Variants in MEOX1 observed in about 807,000 individuals in gnomAD.
MEOX1 encodes the protein homeobox protein MOX-1.
MEOX1 carries 17 observed loss-of-function variants against 23.2 expected under a neutral mutation model. The ratio of observed to expected loss-of-function variants is 0.73; its 90% CI spans 0.50 to 1.10. MEOX1 has a LOEUF of 1.10. Ranked by LOEUF, MEOX1 falls within the 50% of genes least tolerant of loss-of-function variation. The pLI is 0.00. For missense variants in MEOX1, 333 were observed against 332.2 expected (o/e 1.00, Z -0.02); for synonymous variants, 134 against 135.1 (o/e 0.99, Z 0.06).
chr17:43,652,656 T>C (rs1178772486), intron 1 of MEOX1, among the ~76,000 whole-genome samples: 3 of 152,102 alleles, frequency 2.0e-5, no homozygotes, highest in Admixed American at 6.5e-5. Context: ...ACCTTGTTAA[T>C]TCGCTTGACC....
chr17:43,661,650 C>T lies in MEOX1; in HGVS notation c.-116G>A. 1.9e-6 allele frequency: 1 copy of T among 520,006 alleles called. No homozygotes were observed. The allele number at this position is 520,006 out of a possible 1,614,324, so 32.2% of individuals were successfully genotyped here. The stretch of plus-strand genomic sequence containing the variant: ...CTAAATAGGAGGGAAAAATGTTCAA[C>T]AGAAAATTTACCCCAGGAACCAAAA... On this transcript the variant is annotated 5_prime_UTR_variant, in exon 1 of 3. Transcript: ENST00000318579.
At chr17:43,643,145 C>T (rs907271699) in intron 2 of MEOX1, among the ~76,000 whole-genome samples, 1 of 132,748 alleles carries the variant, frequency 7.5e-6, no homozygotes, top group African/African-American at 3.4e-5. Context: ...CCCGCCTCTA[C>T]TAAAAAAAAA....
chr17:43,651,340 T>C (rs556273900), intron 1 of MEOX1, among the ~76,000 whole-genome samples: 1 of 152,188 alleles, frequency 6.6e-6, no homozygotes, highest in African/African-American at 2.4e-5. Context: ...TCTGGTGCTA[T>C]AGTCTTTGCT....
chr17:43,647,571 GA>G (rs1972834004), intron 1 of MEOX1, among the ~76,000 whole-genome samples: 1 of 152,126 alleles, frequency 6.6e-6, no homozygotes, highest in Non-Finnish European at 1.5e-5. Context: ...ACCCCTTCCA[GA>G]GGTCCTGGGG....
At chr17:43,643,084 G>A (rs1034531356) in intron 2 of MEOX1, among the ~76,000 whole-genome samples, 4 of 152,062 alleles carry the variant, frequency 2.6e-5, no homozygotes, top group Admixed American at 6.5e-5. Flanking sequence ...CGAGGCGGGC[G>A]GATCACCTGA....
chr17:43,648,112 T>C (rs1426714879), intron 1 of MEOX1, among the ~76,000 whole-genome samples: 1 of 152,230 alleles, frequency 6.6e-6, no homozygotes, highest in Admixed American at 6.5e-5. Context: ...GCATGCCGTT[T>C]CTGGGAGCTG....
Position 43,661,230 on chromosome 17 carries a change from C to T in MEOX1, c.305G>A (p.Arg102Gln), listed in dbSNP as rs764871699. 3.7e-5 allele frequency: 60 copies of T among 1,609,260 alleles called. No individual in the cohort carries two copies. Among genetic ancestry groups the T allele is most frequent in the Non-Finnish European group, 4.8e-5 (56 of 1,177,464 alleles). Reference protein sequence around the residue: ...PNWHFPVSDARRRPNSGPAGG... With the variant: ...PNWHFPVSDAQRRPNSGPAGG... Reference sequence around the variant, plus strand: ...TGCCGGGCCTGAGTTGGGCCTGCGCCGGGCGTCTGAGACAGGGAAGTGCCA... The same window carrying T: ...TGCCGGGCCTGAGTTGGGCCTGCGCTGGGCGTCTGAGACAGGGAAGTGCCA... Residue 102 changes from arginine to glutamine, a missense_variant, in exon 1 of 3, where the codon CGG (arginine) becomes CAG (glutamine). By Grantham distance (43) the Arg-to-Gln change is conservative. Transcript: ENST00000318579.
chr17:43,658,976 C>A (rs973168709), intron 1 of MEOX1, among the ~76,000 whole-genome samples: 1 of 152,218 alleles, frequency 6.6e-6, no homozygotes, highest in Non-Finnish European at 1.5e-5. Flanking sequence ...AAGTCTGACC[C>A]TGAAGCATGC....
rs550514565 is a variant in MEOX1 at position 43,654,945 on chromosome 17, G to A, written c.469+6121C>T. ...TGGGCGCCTGTAGTCCCAGCTACTCGGGAGGCTGAGGTAGGAGAATGGCAT... is the reference window on the plus strand; with the variant it reads ...TGGGCGCCTGTAGTCCCAGCTACTCAGGAGGCTGAGGTAGGAGAATGGCAT... On this transcript the variant is annotated intron_variant, in intron 1 of 2. Coordinates refer to ENST00000318579, the MANE Select transcript of MEOX1 (RefSeq NM_004527.4). Among the ~76,000 whole-genome samples the A allele has an allele frequency of 4.6e-5, 7 of 152,128 alleles. No individual in the cohort carries two copies. The East Asian group carries it at 9.7e-4, about 21-fold the overall frequency.
Position 43,661,124 on chromosome 17 carries a change from A to G in MEOX1, c.411T>C (p.Leu137=). The change falls in exon 1 of 3, where the codon CTT becomes CTC. Residue 137 remains leucine, a synonymous_variant. Coordinates refer to ENST00000318579, the MANE Select transcript of MEOX1 (RefSeq NM_004527.4). ...TCTCTGTCTCATTGGCAGTGCTCCC[A>G]AGCACCCCGTAGTCATCGCCTGGGC... ...TGGPGDDYGV[L]GSTANETEKK... is the part of the protein sequence containing the mutation. 1 of 1,516,232 alleles carries G rather than the reference A, an allele frequency of 6.6e-7. No individual in the cohort carries two copies. The highest frequency in any genetic ancestry group is 8.8e-7 in the Non-Finnish European group (1 of 1,133,456). The allele number at this position is 1,516,232 out of a possible 1,614,324, so 93.9% of individuals were successfully genotyped here.
At chr17:43,653,267 T>G (rs58143992) in intron 1 of MEOX1, among the ~76,000 whole-genome samples, 27,834 of 150,382 alleles carry the variant, frequency 0.19, 2,606 homozygotes, top group Admixed American at 0.24. Context: ...AGCCTCCTGA[T>G]TAGCTGGGAC....
intron 1 of MEOX1, among the ~76,000 whole-genome samples, chr17:43,654,913 G>A (rs190183678): frequency 4.5e-4 from 69 of 151,976 alleles, no homozygotes; most frequent in African/African-American, 1.5e-3. Context: ...TTAGCCAGAC[G>A]TGGTGGTGGG....
intron 1 of MEOX1, among the ~76,000 whole-genome samples, chr17:43,660,460 G>A (rs529048533): frequency 6.6e-6 from 1 of 152,292 alleles, no homozygotes; most frequent in East Asian, 1.9e-4. Flanking sequence ...CAGCTCCGCA[G>A]GGTGATATCT....
intron 1 of MEOX1, among the ~76,000 whole-genome samples, chr17:43,658,686 T>C (rs1451457796): frequency 6.6e-6 from 1 of 152,142 alleles, no homozygotes; most frequent in Admixed American, 6.5e-5. Context: ...GAATTCCAGA[T>C]TCCTGGAGTA....
intron 1 of MEOX1, among the ~76,000 whole-genome samples, chr17:43,649,359 T>C (rs9913249): frequency 0.31 from 44,858 of 146,124 alleles, 8,301 homozygotes; most frequent in African/African-American, 0.53. Context: ...GATTGGTCAC[T>C]GCAATGGCGG....
chr17:43,647,121 CG>C (rs1303034639), intron 1 of MEOX1, among the ~76,000 whole-genome samples: 4 of 152,210 alleles, frequency 2.6e-5, no homozygotes, highest in African/African-American at 7.2e-5. Context: ...GAGGCATCTG[CG>C]GCTTTAACCT....
chr17:43,646,632 G>A (rs1206810674), intron 1 of MEOX1, among the ~76,000 whole-genome samples: 8 of 152,028 alleles, frequency 5.3e-5, no homozygotes. Flanking sequence ...CTACCTCCTA[G>A]GGTTATTGGA....
At chr17:43,660,915 G>A (rs369140801) in intron 1 of MEOX1, 151 bp downstream of exon 1, 44 of 497,300 alleles carry the variant, frequency 8.8e-5, no homozygotes, top group African/African-American at 7.6e-4. Context: ...AACTCTCAGT[G>A]GAAGAAACCC....
chr17:43,644,527 G>A (rs1436046852), intron 1 of MEOX1, among the ~76,000 whole-genome samples: 1 of 152,176 alleles, frequency 6.6e-6, no homozygotes, highest in Admixed American at 6.5e-5. Context: ...ACCAGAAAAC[G>A]AACACAGAGA....
Sources: allele counts gnomAD v4.1 joint callset (sites outside exome capture counted in the v4.1 genomes callset), GRCh38; gene constraint gnomAD v4.1.1; transcripts MANE v1.5; gene names NCBI Gene and HGNC (gene_info 2026-07-23, HGNC 2026-07-21).